The following CECR2 variants were observed in gnomAD, a reference collection of about 807,000 sequenced individuals.
CECR2 encodes the protein CECR2 histone acetyl-lysine reader.
A neutral mutation model predicts 154.5 loss-of-function variants in CECR2; 30 were observed. That is an observed-to-expected ratio of 0.19 (90% CI 0.15 to 0.26). The LOEUF is 0.26. CECR2 is among the 10% of genes least tolerant of loss of function. CECR2 has a pLI of 1.00. For missense variants in CECR2, 1,743 were observed against 1,829.3 expected (o/e 0.95, Z 0.86); for synonymous variants, 725 against 683.7 (o/e 1.06, Z -0.94).
chr22:17,500,765 G>C, intron 5 of CECR2, 30 bp downstream of exon 5: 1 of 1,426,588 alleles, frequency 7.0e-7, no homozygotes. Flanking sequence ...TGTGGTCATA[G>C]ACCATGGCAG....
At chr22:17,419,534 AGAGGAAGAGGAAGAG>A (rs1266793578) in intron 1 of CECR2, 1 of 192,624 alleles carries the variant, frequency 5.2e-6, no homozygotes, top group African/African-American at 5.5e-5. Flanking sequence ...AAGAAGAGGA[AGAGGAAGAGGAAGAG>A]GAGGAGGAGG....
At chr22:17,388,528 G>A (rs1332242010) in intron 1 of CECR2, among the ~76,000 whole-genome samples, 1 of 152,160 alleles carries the variant, frequency 6.6e-6, no homozygotes, top group Non-Finnish European at 1.5e-5. Flanking sequence ...GAACAGTACT[G>A]CTAGTGAGAC....
At chr22:17,451,343 T>C (rs1251913773) in intron 1 of CECR2, among the ~76,000 whole-genome samples, 1 of 152,132 alleles carries the variant, frequency 6.6e-6, no homozygotes, top group Non-Finnish European at 1.5e-5. Context: ...AATAACTGAT[T>C]AGGGATTGGT....
chr22:17,433,439 T>C (rs2054457004), intron 1 of CECR2, among the ~76,000 whole-genome samples: 2 of 152,162 alleles, frequency 1.3e-5, no homozygotes, highest in Non-Finnish European at 2.9e-5. Context: ...ATCACATTGT[T>C]TTTGTCTTCC....
chr22:17,451,787 CAGTGAGCCAG>C (rs1244022232), intron 1 of CECR2, among the ~76,000 whole-genome samples: 2 of 152,198 alleles, frequency 1.3e-5, no homozygotes, highest in Non-Finnish European at 2.9e-5. Context: ...AGGGATATAG[CAGTGAGCCAG>C]AGTTCCTACC....
intron 1 of CECR2, among the ~76,000 whole-genome samples, chr22:17,377,681 G>C: frequency 6.6e-6 from 1 of 152,136 alleles, no homozygotes; most frequent in Non-Finnish European, 1.5e-5. Context: ...AACCTTTTCA[G>C]ATGGCTGCTA....
At chr22:17,422,260 C>T (rs1240982046) in intron 1 of CECR2, among the ~76,000 whole-genome samples, 3 of 152,132 alleles carry the variant, frequency 2.0e-5, no homozygotes, top group South Asian at 2.1e-4. Context: ...TGCAGTGGCG[C>T]GATCTCGGCT....
rs201407739 is a variant in CECR2 at position 17,542,906 on chromosome 22, C to A, written c.2763C>A (p.His921Gln). ...RLPGPFPQVA[H>Q]PMSVTVSAPK... is the part of the protein sequence containing the mutation. ...CTGGCCCTTTTCCGCAGGTAGCTCA[C>A]CCAATGTCAGTCACTGTGTCAGCCC... The change falls in exon 16 of 19, where the codon CAC becomes CAA. Residue 921 changes from histidine (H) to glutamine (Q), a missense_variant. Around this residue, in one of 4 missense-constraint regions of CECR2, gnomAD observed 1,250 missense variants for 1,192.1 expected, o/e 1.05. Transcript: ENST00000262608. 1 of 1,613,952 alleles carries A rather than the reference C, an allele frequency of 6.2e-7. No homozygotes were observed. Among genetic ancestry groups the A allele is most frequent in the Non-Finnish European group, 8.5e-7 (1 of 1,179,884 alleles).
intron 1 of CECR2, among the ~76,000 whole-genome samples, chr22:17,378,974 C>T (rs1279802853): frequency 6.6e-6 from 1 of 152,000 alleles, no homozygotes; most frequent in African/African-American, 2.4e-5. Context: ...TTCTTTGAGA[C>T]AGAGTTTTGC....
Position 17,542,689 on chromosome 22 carries a change from A to G in CECR2, c.2546A>G (p.His849Arg), listed in dbSNP as rs749874860. 6 of 1,613,888 alleles carry G rather than the reference A, an allele frequency of 3.7e-6. 1 individual carries two copies. The South Asian group carries it at 4.4e-5, about 12-fold the overall frequency. Reference sequence around the variant, plus strand: ...CGACCGCCCTGCAAGTCTGCCGGACATCGGTTACAGCCACCTCCAGTGCCA... The same window carrying G: ...CGACCGCCCTGCAAGTCTGCCGGACGTCGGTTACAGCCACCTCCAGTGCCA... ...YMRPPCKSAG[H>R]RLQPPPVPAP... The change falls in exon 16 of 19, where the codon CAT (histidine) becomes CGT (arginine). Residue 849 changes from histidine to arginine, a missense_variant. Physicochemically the swap from His to Arg is conservative, Grantham distance 29 (BLOSUM62 0). Around this residue, in one of 4 missense-constraint regions of CECR2, gnomAD observed 1,250 missense variants for 1,192.1 expected, o/e 1.05. Coordinates refer to ENST00000262608, the MANE Select transcript of CECR2 (RefSeq NM_001290047.2).
At chr22:17,371,322 G>A (rs141474757) in intron 1 of CECR2, among the ~76,000 whole-genome samples, 1 of 152,194 alleles carries the variant, frequency 6.6e-6, no homozygotes, top group Non-Finnish European at 1.5e-5. Flanking sequence ...TCCTTAAGCT[G>A]ATTAAAACAA....
At chr22:17,471,435 G>A (rs778218316) in intron 1 of CECR2, among the ~76,000 whole-genome samples, 1 of 152,184 alleles carries the variant, frequency 6.6e-6, no homozygotes, top group Non-Finnish European at 1.5e-5. Flanking sequence ...AATCAAAATG[G>A]ATTAAACAAA....
At chr22:17,452,623 G>A (rs971332820) in intron 1 of CECR2, among the ~76,000 whole-genome samples, 2 of 152,194 alleles carry the variant, frequency 1.3e-5, no homozygotes, top group Admixed American at 6.5e-5. Context: ...ACCATTGACC[G>A]AGATGGGGAA....
chr22:17,450,310 C>T (rs5747159), intron 1 of CECR2, among the ~76,000 whole-genome samples: 17,725 of 152,226 alleles, frequency 0.12, 1,180 homozygotes, highest in South Asian at 0.25. Context: ...CTCACTCTGT[C>T]GCCAGGCTGG....
At chr22:17,490,138 GTTTT>G (rs759001714) in intron 2 of CECR2, among the ~76,000 whole-genome samples, 1 of 146,616 alleles carries the variant, frequency 6.8e-6, no homozygotes, top group Admixed American at 6.8e-5. Flanking sequence ...GTTCCTTACT[GTTTT>G]TTTTTTGTGT....
intron 13 of CECR2, among the ~76,000 whole-genome samples, chr22:17,540,117 G>C (rs1381792033): frequency 1.3e-5 from 2 of 152,166 alleles, no homozygotes; most frequent in Admixed American, 1.3e-4. Context: ...ACAGGCATAA[G>C]TTACTGTGCT....
intron 2 of CECR2, among the ~76,000 whole-genome samples, chr22:17,489,973 G>T (rs1296745): frequency 0.41 from 61,253 of 150,402 alleles, 13,009 homozygotes; most frequent in African/African-American, 0.52. Context: ...TAAAAAACTT[G>T]TAAATTTCCT....
chr22:17,508,873 T>G (rs1051257190), intron 7 of CECR2, among the ~76,000 whole-genome samples: 2 of 152,240 alleles, frequency 1.3e-5, no homozygotes, highest in African/African-American at 2.4e-5. Context: ...GAGTAATGTT[T>G]GAGACTATCT....
intron 7 of CECR2, among the ~76,000 whole-genome samples, chr22:17,509,427 C>CTTT (rs11389089): frequency 7.1e-6 from 1 of 141,048 alleles, no homozygotes; most frequent in Non-Finnish European, 1.5e-5. Flanking sequence ...TGTTTCTTTT[C>CTTT]TTTTTTTTTT....
Sources: gnomAD v4.1 joint callset for allele counts (sites outside exome capture counted in the v4.1 genomes callset) on GRCh38, gnomAD v4.1.1 for gene constraint, gnomAD v4.1.1 regional missense constraint, MANE v1.5 for transcripts, NCBI Gene and HGNC (gene_info 2026-07-23, HGNC 2026-07-21) for gene names.